Variants in DLGAP2 observed in about 807,000 individuals in gnomAD.
DLGAP2 encodes the protein DLG associated protein 2.
Under a neutral mutation model 100.3 loss-of-function variants are expected in DLGAP2, and 26 were observed. That is an observed-to-expected ratio of 0.26 (90% CI 0.19 to 0.36). The LOEUF (loss-of-function observed/expected upper bound fraction) is 0.36, where lower values mean the gene tolerates loss of function less well. DLGAP2 is among the 10% of genes least tolerant of loss of function. The probability of loss-of-function intolerance (pLI) is 1.00; values close to 1 mark genes in which losing one functional copy is unlikely to be tolerated. For synonymous variants in DLGAP2, 886 were observed against 630.1 expected, an observed-to-expected ratio of 1.41 and a Z score of -6.08; for missense variants, 1,858 against 1,453.2, an observed-to-expected ratio of 1.28 and a Z score of -4.53.
chr8:1,302,050 G>T (rs1399960837), intron 3 of DLGAP2: 1 of 152,332 alleles, frequency 6.6e-6, no homozygotes, highest in Non-Finnish European at 1.5e-5. Flanking sequence ...TTTCCAACCT[G>T]TGTGTGCTGG....
chr8:828,895 G>C (rs867784577), intron 1 of DLGAP2, among the ~76,000 whole-genome samples: 6 of 152,150 alleles, frequency 3.9e-5, no homozygotes, highest in African/African-American at 1.4e-4. Flanking sequence ...ATTATTCTCA[G>C]GGTCTATATG....
chr8:892,697 G>A (rs970036581), intron 1 of DLGAP2, among the ~76,000 whole-genome samples: 15 of 152,182 alleles, frequency 9.9e-5, no homozygotes, highest in Non-Finnish European at 1.8e-4. Flanking sequence ...GCAGAACAGA[G>A]AGGCGGGGGA....
At chr8:1,386,486 C>T (rs1796223537) in intron 3 of DLGAP2, among the ~76,000 whole-genome samples, 1 of 152,192 alleles carries the variant, frequency 6.6e-6, no homozygotes, top group South Asian at 2.1e-4. Context: ...CTGCAGAATT[C>T]CCTCCAGAAT....
chr8:1,503,377 G>C (rs1376869006), intron 4 of DLGAP2, among the ~76,000 whole-genome samples: 1 of 151,516 alleles, frequency 6.6e-6, no homozygotes, highest in Non-Finnish European at 1.5e-5. Flanking sequence ...AACCACACAG[G>C]ATTTGTTGTT....
intron 1 of DLGAP2, among the ~76,000 whole-genome samples, chr8:787,852 CTG>C (rs1371116246): frequency 2.0e-5 from 3 of 152,330 alleles, no homozygotes; most frequent in Non-Finnish European, 2.9e-5. Context: ...CTTGGGGCTG[CTG>C]TGAGGTGAGG....
At chr8:984,532 C>G (rs1370452383) in intron 2 of DLGAP2, among the ~76,000 whole-genome samples, 1 of 152,138 alleles carries the variant, frequency 6.6e-6, no homozygotes, top group Non-Finnish European at 1.5e-5. Context: ...CAGACCAAAC[C>G]ACGGCCGTGC....
chr8:1,351,470 C>T (rs1216389471), intron 3 of DLGAP2, among the ~76,000 whole-genome samples: 1 of 46,384 alleles, frequency 2.2e-5, no homozygotes, highest in Non-Finnish European at 4.5e-5. Flanking sequence ...GTGGAAAGGC[C>T]GTGCGGGTCC....
At chr8:843,522 C>T (rs1296461121) in intron 1 of DLGAP2, among the ~76,000 whole-genome samples, 1 of 152,234 alleles carries the variant, frequency 6.6e-6, no homozygotes, top group African/African-American at 2.4e-5. Flanking sequence ...CCTGGGGTTC[C>T]ACCGGGCCTG....
intron 3 of DLGAP2, among the ~76,000 whole-genome samples, chr8:1,436,922 T>G (rs1381297005): frequency 6.6e-6 from 1 of 152,260 alleles, no homozygotes; most frequent in Non-Finnish European, 1.5e-5. Context: ...GTGTTACAGT[T>G]TTCTACAGTC....
intron 2 of DLGAP2, among the ~76,000 whole-genome samples, chr8:1,246,581 T>G (rs1446844952): frequency 1.3e-5 from 2 of 152,232 alleles, no homozygotes; most frequent in South Asian, 2.1e-4. Context: ...GCACAATGCT[T>G]AAGATACTAC....
chr8:1,157,154 G>C (rs1585108881), intron 2 of DLGAP2, among the ~76,000 whole-genome samples: 1 of 152,204 alleles, frequency 6.6e-6, no homozygotes, highest in East Asian at 1.9e-4. Flanking sequence ...TGGTGACCGC[G>C]GGGAAAAGTT....
chr8:1,501,103 C>A (rs1168241089), intron 3 of DLGAP2, among the ~76,000 whole-genome samples: 1 of 151,930 alleles, frequency 6.6e-6, no homozygotes, highest in African/African-American at 2.4e-5. Context: ...AGCTGAGAAT[C>A]ATTGGGACTC....
At chr8:806,351 G>A (rs548759328) in intron 1 of DLGAP2, among the ~76,000 whole-genome samples, 3 of 152,280 alleles carry the variant, frequency 2.0e-5, no homozygotes, top group South Asian at 2.1e-4. Context: ...TTCACTGCCC[G>A]TCACTCTGCA....
intron 2 of DLGAP2, among the ~76,000 whole-genome samples, chr8:1,202,784 C>G (rs191562975): frequency 1.2e-3 from 180 of 152,288 alleles, no homozygotes; most frequent in Non-Finnish European, 2.0e-3. Context: ...TGAATCCACC[C>G]AAATGACAAT....
intron 2 of DLGAP2, among the ~76,000 whole-genome samples, chr8:936,260 A>G (rs917697524): frequency 6.6e-6 from 1 of 152,168 alleles, no homozygotes; most frequent in African/African-American, 2.4e-5. Flanking sequence ...TCCCATCAAG[A>G]AAGAGAAGGG....
intron 2 of DLGAP2, among the ~76,000 whole-genome samples, chr8:1,226,265 G>A (rs993823381): frequency 5.3e-5 from 8 of 152,094 alleles, no homozygotes; most frequent in African/African-American, 1.9e-4. Context: ...AAAAAATGCG[G>A]TGCACCATGG....
chr8:1,349,364 C>T (rs1334717571), intron 3 of DLGAP2, among the ~76,000 whole-genome samples: 159 of 133,874 alleles, frequency 1.2e-3, no homozygotes, highest in South Asian at 4.7e-3. Flanking sequence ...TATCGTGAGC[C>T]TCGTGCCCAC....
intron 2 of DLGAP2, among the ~76,000 whole-genome samples, chr8:1,058,926 T>G (rs1157619515): frequency 6.6e-6 from 1 of 152,116 alleles, no homozygotes; most frequent in Non-Finnish European, 1.5e-5. Flanking sequence ...TCAAAACTGG[T>G]GTTAGAAGCT....
intron 2 of DLGAP2, among the ~76,000 whole-genome samples, chr8:1,195,163 A>G (rs17065789): frequency 0.082 from 12,519 of 152,320 alleles, 1,423 homozygotes; most frequent in African/African-American, 0.26. Context: ...AACAGTGAAC[A>G]TCTGAAGAGA....
Sources: allele counts gnomAD v4.1 joint callset (sites outside exome capture counted in the v4.1 genomes callset), GRCh38; gene constraint gnomAD v4.1.1; transcripts MANE v1.5; gene names NCBI Gene and HGNC (gene_info 2026-07-23, HGNC 2026-07-21).